CNOT1: variants seen among roughly 807,000 people sequenced by gnomAD.
CNOT1 encodes the protein CCR4-NOT transcription complex subunit 1, also known as CCR4-associated factor 1.
Under a neutral mutation model 273.8 loss-of-function variants are expected in CNOT1, and 15 were observed. That is an observed-to-expected ratio of 0.05 (90% CI 0.04 to 0.08). CNOT1 has a LOEUF of 0.08. Among genes scored for constraint, CNOT1 ranks in the 10% least tolerant of loss-of-function variants. CNOT1 has a pLI of 1.00. For synonymous variants in CNOT1, 1,022 were observed against 1,005.5 expected (o/e 1.02, Z -0.31); for missense variants, 1,644 against 2,912.2 (o/e 0.56, Z 10.02).
At chr16:58,567,091 T>C (rs576583635) in intron 16 of CNOT1, among the ~76,000 whole-genome samples, 87 of 152,096 alleles carry the variant, frequency 5.7e-4, no homozygotes, top group African/African-American at 1.9e-3. Context: ...CAAGGTTGCA[T>C]TGAGCTATGA....
chr16:58,618,690 A>G (rs2043187980), intron 1 of CNOT1, among the ~76,000 whole-genome samples: 1 of 151,668 alleles, frequency 6.6e-6, no homozygotes, highest in Non-Finnish European at 1.5e-5. Flanking sequence ...TCCGTAGTTC[A>G]TAAGCATGAT....
At chr16:58,609,218 A>G (rs1312473568) in intron 1 of CNOT1, among the ~76,000 whole-genome samples, 1 of 152,116 alleles carries the variant, frequency 6.6e-6, no homozygotes, top group Admixed American at 6.6e-5. Flanking sequence ...CTAAAACTAC[A>G]AAAATTAGCC....
At position 58,520,109 on chromosome 16, in the gene CNOT1, C is replaced by T. The variant is rs1196960080; in HGVS notation, c.*849G>A. ...AAAGGGGCTGTATTGGTCCTTTCAA[C>T]TTTGTCATTATTCAGCTTAGCCTGT... On this transcript the variant is annotated 3_prime_UTR_variant, in exon 49 of 49. Coordinates refer to ENST00000317147, the MANE Select transcript of CNOT1 (RefSeq NM_016284.5). 1 of 152,338 alleles carries T rather than the reference C, an allele frequency of 6.6e-6. No individual in the cohort carries two copies. The highest frequency in any genetic ancestry group is 1.9e-4 in the East Asian group (1 of 5,190). 9.4% of individuals were successfully genotyped at this position (152,338 alleles called of 1,614,324 possible). A position where few individuals can be genotyped will look rare whatever the true frequency, so the allele number is the denominator to read the frequency against.
intron 1 of CNOT1, among the ~76,000 whole-genome samples, chr16:58,620,358 A>T (rs1321362007): frequency 6.6e-6 from 1 of 152,062 alleles, no homozygotes; most frequent in Non-Finnish European, 1.5e-5. Flanking sequence ...AAAGACGAAG[A>T]GGCTGGGTGC....
At chr16:58,566,788 C>G (rs544318978) in intron 16 of CNOT1, among the ~76,000 whole-genome samples, 3 of 152,296 alleles carry the variant, frequency 2.0e-5, no homozygotes, top group Middle Eastern at 3.4e-3. Context: ...CATGCGCCAC[C>G]ACGCCTGGCT....
intron 2 of CNOT1, among the ~76,000 whole-genome samples, chr16:58,598,416 A>AT (rs2042341780): frequency 6.6e-6 from 1 of 151,202 alleles, no homozygotes; most frequent in Non-Finnish European, 1.5e-5. Context: ...AAAAAAAAAA[A>AT]AAATTAGCTG....
In CNOT1 at chr16:58,542,256, C is replaced by T. The variant is rs1467454253; in HGVS notation, c.4655G>A (p.Arg1552Gln). 1.2e-6 allele frequency: 2 copies of T among 1,614,120 alleles called. No individual in the cohort carries two copies. Among genetic ancestry groups the T allele is most frequent in the East Asian group, 2.2e-5 (1 of 44,880 alleles). ...DPVVLTYQAE[R>Q]MPEQIRLKVG... Reference sequence around the variant, plus strand: ...TTTCAGCCTGATTTGCTCTGGCATCCGTTCAGCTTGATATGTTAAAACAAC... The same window carrying T: ...TTTCAGCCTGATTTGCTCTGGCATCTGTTCAGCTTGATATGTTAAAACAAC... Residue 1552 changes from arginine to glutamine, a missense_variant, in exon 33 of 49, where the codon CGG becomes CAG. Physicochemically the swap from Arg to Gln is conservative, Grantham distance 43. Transcript: ENST00000317147.
Position 58,602,445 on chromosome 16 carries a change from T to A in CNOT1, c.-174-2934A>T, listed in dbSNP as rs2042500793. On this transcript the variant is annotated intron_variant, in intron 1 of 48. Coordinates refer to ENST00000317147, the MANE Select transcript of CNOT1 (RefSeq NM_016284.5). ...GTGCACACCTATAATCCCAGCTACT[T>A]GGGAGGTCGAGACAGGAGAATTGCC... 5.5e-5 allele frequency among the ~76,000 whole-genome samples: 8 copies of A among 146,614 alleles called. No individual in the cohort carries two copies. The Admixed American group carries it at 5.7e-4, about 10-fold the overall frequency.
chr16:58,605,741 C>T (rs969518704), intron 1 of CNOT1, among the ~76,000 whole-genome samples: 5 of 152,094 alleles, frequency 3.3e-5, no homozygotes, highest in Non-Finnish European at 5.9e-5. Context: ...CACGGCTTAC[C>T]GCAGCCTCCC....
At chr16:58,541,723 G>A in intron 33 of CNOT1, 103 bp from the exon 34 acceptor site, 2 of 1,129,878 alleles carry the variant, frequency 1.8e-6, no homozygotes, top group South Asian at 2.7e-5. Context: ...GGACACAAGA[G>A]TCATTACAAC....
chr16:58,585,396 T>C lies in CNOT1; in HGVS notation c.748A>G (p.Met250Val). 6.2e-7 allele frequency: 1 copy of C among 1,613,916 alleles called. No homozygotes were observed. Among genetic ancestry groups the C allele is most frequent in the Non-Finnish European group, 8.5e-7 (1 of 1,180,006 alleles). The change falls in exon 8 of 49, where the codon ATG (methionine) becomes GTG (valine). Residue 250 changes from methionine (M) to valine (V), a missense_variant. Physicochemically the swap from Met to Val is conservative, Grantham distance 21. Coordinates refer to ENST00000317147, the MANE Select transcript of CNOT1 (RefSeq NM_016284.5). ...AAATCAGCCAAAGAGCTCTCCATCA[T>C]GGTTTTAGCTACCCCTCCGGAATCA... ...LPDSGGVAKT[M>V]MESSLADFMQ...
At chr16:58,555,634 T>C (rs2040605607) in intron 20 of CNOT1, 97 bp from the exon 21 acceptor site, 1 of 1,539,340 alleles carries the variant, frequency 6.5e-7, no homozygotes, top group Non-Finnish European at 8.7e-7. Flanking sequence ...AGTAGAACAT[T>C]TACCAAAAGA....
At position 58,521,227 on chromosome 16, in the gene CNOT1, C is replaced by T. The variant is rs372736100; in HGVS notation, c.7008G>A (p.Lys2336=). 383 of 1,614,014 alleles carry T rather than the reference C, an allele frequency of 2.4e-4. No individual in the cohort carries two copies. Among genetic ancestry groups the T allele is most frequent in the Non-Finnish European group, 3.1e-4 (361 of 1,180,036 alleles). ...AGTGTACAAATTCATGGTTCCAGAA[C>T]TTAAACGCTGGGTTTTTAATCAGCT... ...FIELIKNPAF[K]FWNHEFVHCA... Residue 2336 remains lysine, a synonymous_variant, in exon 48 of 49, where the codon AAG becomes AAA. Coordinates refer to ENST00000317147, the MANE Select transcript of CNOT1 (RefSeq NM_016284.5).
At chr16:58,626,392 G>C (rs563635221) in intron 1 of CNOT1, among the ~76,000 whole-genome samples, 1 of 126,680 alleles carries the variant, frequency 7.9e-6, no homozygotes, top group South Asian at 2.6e-4. Context: ...GGGCAACAGA[G>C]CGAGACTGCG....
chr16:58,546,526 T>G (rs1038863387), intron 28 of CNOT1, 28 bp from the exon 29 acceptor site: 13 of 1,601,018 alleles, frequency 8.1e-6, no homozygotes, highest in Non-Finnish European at 9.4e-6. Flanking sequence ...TGGATTAGAA[T>G]TTTTAAAAGA....
chr16:58,558,366 T>G (rs1202335514), intron 18 of CNOT1, 107 bp downstream of exon 18: 1 of 1,534,260 alleles, frequency 6.5e-7, no homozygotes, highest in Non-Finnish European at 8.8e-7. Flanking sequence ...ACAATTTCAT[T>G]TAAGCAGCTT....
At chr16:58,550,564 C>T (rs1178812012) in intron 24 of CNOT1, among the ~76,000 whole-genome samples, 2 of 151,852 alleles carry the variant, frequency 1.3e-5, no homozygotes, top group Admixed American at 6.6e-5. Flanking sequence ...TCTAAGAATA[C>T]AGTATTATAT....
intron 1 of CNOT1, among the ~76,000 whole-genome samples, chr16:58,608,190 AG>A (rs1209517437): frequency 6.6e-6 from 1 of 152,082 alleles, no homozygotes; most frequent in Non-Finnish European, 1.5e-5. Flanking sequence ...TTAAAAAAAA[AG>A]AAAAAGAACA....
chr16:58,576,691 C>T (rs1428014145), intron 13 of CNOT1, 109 bp from the exon 14 acceptor site: 4 of 1,495,964 alleles, frequency 2.7e-6, no homozygotes, highest in Non-Finnish European at 3.6e-6. Flanking sequence ...TCAGGTATAC[C>T]TGTGCTGACA....
Sources: gnomAD v4.1 joint callset for allele counts (sites outside exome capture counted in the v4.1 genomes callset) on GRCh38, gnomAD v4.1.1 for gene constraint, MANE v1.5 for transcripts, NCBI Gene and HGNC (gene_info 2026-07-23, HGNC 2026-07-21) for gene names.